The following IFT74 variants were observed in gnomAD, a reference collection of about 807,000 sequenced individuals.
IFT74 encodes the protein intraflagellar transport protein 74 homolog.
In IFT74, 92 loss-of-function variants were observed where a neutral mutation model predicts 96.7. That is an observed-to-expected ratio of 0.95 (90% CI 0.80 to 1.13). The LOEUF is 1.13. IFT74 is among the 50% of genes most tolerant of loss of function. The probability of loss-of-function intolerance (pLI) is 0.00; values close to 1 mark genes in which losing one functional copy is unlikely to be tolerated. For missense variants in IFT74, 811 were observed against 698.2 expected (o/e 1.16, Z -1.82); for synonymous variants, 223 against 213.2 (o/e 1.05, Z -0.40).
chr9:27,022,123 G>A (rs1005329374), intron 12 of IFT74, among the ~76,000 whole-genome samples: 13 of 151,834 alleles, frequency 8.6e-5, no homozygotes, highest in African/African-American at 2.9e-4. Context: ...TTGCTTTTTC[G>A]AAGATCAGCT....
At position 26,997,234 on chromosome 9, in the gene IFT74, A is replaced by AT. The variant is rs201419518; in HGVS notation, c.587+7044dup. Among the ~76,000 whole-genome samples, 501 of 149,152 alleles carry AT rather than the reference A, an allele frequency of 3.4e-3. 23 individuals carry two copies. In the East Asian group the frequency reaches 0.082, roughly 24 times the overall value. On this transcript the variant is annotated intron_variant, in intron 8 of 19. Coordinates refer to ENST00000380062, the MANE Select transcript of IFT74 (RefSeq NM_025103.4). ...TCTCAAAAAAAAAAAAAATTTCTTAATTTTTCCCCCTGGTAATGGGGAAGG... is the reference window on the plus strand; with the variant it reads ...TCTCAAAAAAAAAAAAAATTTCTTAATTTTTTCCCCCTGGTAATGGGGAAGG...
intron 12 of IFT74, among the ~76,000 whole-genome samples, chr9:27,020,538 A>C (rs1587365807): frequency 6.8e-6 from 1 of 147,584 alleles, no homozygotes; most frequent in Admixed American, 6.9e-5. Flanking sequence ...GCAGCAGCCC[A>C]ATCTCGGCTC....
intron 18 of IFT74, 26 bp from the exon 19 acceptor site, chr9:27,060,561 CTAAT>C (rs757255529): frequency 6.8e-7 from 1 of 1,466,910 alleles, no homozygotes; most frequent in Admixed American, 1.8e-5. Flanking sequence ...AATATGGGTC[CTAAT>C]TAATATTTTT....
At chr9:27,006,648 A>G (rs1828794873) in intron 8 of IFT74, among the ~76,000 whole-genome samples, 1 of 131,758 alleles carries the variant, frequency 7.6e-6, no homozygotes, top group African/African-American at 2.9e-5. Context: ...AGAAGAGAAG[A>G]GAGAGGAGGG....
intron 13 of IFT74, among the ~76,000 whole-genome samples, chr9:27,040,589 T>G (rs948100782): frequency 2.7e-5 from 4 of 149,166 alleles, no homozygotes; most frequent in Non-Finnish European, 4.4e-5. Flanking sequence ...ACTGGGAGAC[T>G]TTGCGTGCTT....
chr9:26,952,048 G>A (rs2131455188), upstream of IFT74, among the ~76,000 whole-genome samples: 1 of 152,244 alleles, frequency 6.6e-6, no homozygotes, highest in Middle Eastern at 3.4e-3. Flanking sequence ...TCAAGCTTTT[G>A]GTGCCCAAAG....
At chr9:26,962,740 T>TG (rs1826420661) in intron 2 of IFT74, among the ~76,000 whole-genome samples, 1 of 152,156 alleles carries the variant, frequency 6.6e-6, no homozygotes, top group African/African-American at 2.4e-5. Context: ...AAACTTGATA[T>TG]GGGCTAGGCT....
intron 18 of IFT74, among the ~76,000 whole-genome samples, chr9:27,056,695 T>A (rs1447585774): frequency 6.6e-6 from 1 of 152,052 alleles, no homozygotes; most frequent in Non-Finnish European, 1.5e-5. Flanking sequence ...ACTGTTAAGA[T>A]ATATGGGGTA....
chr9:26,978,121 C>A lies in IFT74; in HGVS notation c.121-7C>A. On this transcript the variant is annotated splice_region_variant and splice_polypyrimidine_tract_variant and intron_variant, in intron 2 of 19. Coordinates refer to ENST00000380062, the MANE Select transcript of IFT74 (RefSeq NM_025103.4). ...TTACTAAAAATGAAATCTTGTTTGTCATTTAGATGCCACCTGGGACAGCAA... is the reference window on the plus strand; with the variant it reads ...TTACTAAAAATGAAATCTTGTTTGTAATTTAGATGCCACCTGGGACAGCAA... 6.4e-7 allele frequency: 1 copy of A among 1,565,408 alleles called. No individual in the cohort carries two copies. Among genetic ancestry groups the A allele is most frequent in the South Asian group, 1.2e-5 (1 of 81,858 alleles).
intron 2 of IFT74, among the ~76,000 whole-genome samples, chr9:26,962,436 T>G (rs995932444): frequency 6.6e-6 from 1 of 152,192 alleles, no homozygotes; most frequent in Admixed American, 6.6e-5. Flanking sequence ...AATTTAAAGC[T>G]GCAATAATTT....
At chr9:27,051,212 A>G (rs1323056066) in intron 16 of IFT74, among the ~76,000 whole-genome samples, 2 of 152,212 alleles carry the variant, frequency 1.3e-5, no homozygotes, top group Admixed American at 6.5e-5. Context: ...ATAAGGGATT[A>G]TGGACCTATA....
intron 1 of IFT74, chr9:26,947,171 G>C: frequency 1.8e-6 from 2 of 1,135,948 alleles, no homozygotes; most frequent in Non-Finnish European, 2.4e-6. Flanking sequence ...GAGACCGGAA[G>C]AGCCCGAGAG....
chr9:27,032,843 G>A (rs1329718731), intron 13 of IFT74, among the ~76,000 whole-genome samples: 5 of 151,490 alleles, frequency 3.3e-5, no homozygotes, highest in Non-Finnish European at 7.4e-5. Context: ...TCCAGCCTTG[G>A]GCGACAGAGC....
At chr9:26,998,251 C>CA (rs546349071) in intron 8 of IFT74, 85 of 1,363,554 alleles carry the variant, frequency 6.2e-5, no homozygotes, top group African/African-American at 2.8e-4. Context: ...CCTAGAAAAA[C>CA]AAAAAAAAGA....
At chr9:27,053,511 G>A (rs1309039158) in intron 16 of IFT74, among the ~76,000 whole-genome samples, 2 of 152,132 alleles carry the variant, frequency 1.3e-5, no homozygotes, top group South Asian at 2.1e-4. Context: ...ACACTTCCCC[G>A]GGTCAAAGTG....
rs535957398 is a variant in IFT74 at position 26,996,465 on chromosome 9, G to A, written c.587+6270G>A. The A allele has an allele frequency of 1.1e-5, 17 of 1,534,414 alleles. No homozygotes were observed. The East Asian group carries it at 3.0e-4, about 27-fold the overall frequency. ...TTTTGATATTGTAGCTCTGCAGGCT[G>A]TTGGGGTAGCTACACATGGTGATGT... On this transcript the variant is annotated intron_variant, in intron 8 of 19. Coordinates refer to ENST00000380062, the MANE Select transcript of IFT74 (RefSeq NM_025103.4).
At position 27,054,856 on chromosome 9, in the gene IFT74, C is replaced by G. The variant is rs564327080; in HGVS notation, c.1334-753C>G. Among the ~76,000 whole-genome samples, 6 of 152,208 alleles carry G rather than the reference C, an allele frequency of 3.9e-5. No individual in the cohort carries two copies. The East Asian group carries it at 9.6e-4, about 24-fold the overall frequency. On this transcript the variant is annotated intron_variant, in intron 16 of 19. Transcript: ENST00000380062. ...TTTGTGCTTTCTGTTGGTGATCATG[C>G]CATTTAAAATGGCCCCAAGCAAAGT...
At chr9:27,026,072 A>G (rs1354712742) in intron 12 of IFT74, among the ~76,000 whole-genome samples, 2 of 152,222 alleles carry the variant, frequency 1.3e-5, no homozygotes, top group Admixed American at 6.5e-5. Context: ...CCAACCAAGT[A>G]TCTCCCATCT....
At chr9:27,062,563 C>T in intron 19 of IFT74, 55 bp from the exon 20 acceptor site, 1 of 953,204 alleles carries the variant, frequency 1.0e-6, no homozygotes. Flanking sequence ...GTTCCTTTCT[C>T]AGGCACAATT....
Sources: allele counts gnomAD v4.1 joint callset (sites outside exome capture counted in the v4.1 genomes callset), GRCh38; gene constraint gnomAD v4.1.1; transcripts MANE v1.5; gene names NCBI Gene and HGNC (gene_info 2026-07-23, HGNC 2026-07-21).